Variants in KIAA1217 observed in about 807,000 individuals in gnomAD.
The protein encoded by KIAA1217 is sickle tail protein homolog.
In KIAA1217, 88 loss-of-function variants were observed where a neutral mutation model predicts 163.9. The ratio of observed to expected loss-of-function variants is 0.54; its 90% confidence interval spans 0.45 to 0.64. The LOEUF is 0.64. Ranked by LOEUF, KIAA1217 falls within the 30% of genes least tolerant of loss-of-function variation. The probability of loss-of-function intolerance (pLI) is 0.00; values close to 1 mark genes in which losing one functional copy is unlikely to be tolerated. For missense variants in KIAA1217, 2,372 were observed against 2,475.0 expected (o/e 0.96, Z 0.88); for synonymous variants, 903 against 923.1 (o/e 0.98, Z 0.39).
intron 2 of KIAA1217, among the ~76,000 whole-genome samples, chr10:24,325,763 G>T (rs59925721): frequency 0.036 from 5,407 of 152,202 alleles, 311 homozygotes; most frequent in African/African-American, 0.12. Context: ...GATCTGTCTG[G>T]ACATGTATGA....
chr10:24,441,532 C>T (rs1209607731), intron 5 of KIAA1217, among the ~76,000 whole-genome samples: 2 of 152,072 alleles, frequency 1.3e-5, no homozygotes, highest in African/African-American at 2.4e-5. Context: ...TCAGAGTGTG[C>T]GTGGAATGCA....
At chr10:24,229,675 G>C (rs2131053044) in intron 2 of KIAA1217, among the ~76,000 whole-genome samples, 1 of 152,072 alleles carries the variant, frequency 6.6e-6, no homozygotes, top group South Asian at 2.1e-4. Context: ...CCACCACCAT[G>C]CCTGGCTAAT....
intron 2 of KIAA1217, among the ~76,000 whole-genome samples, chr10:24,047,238 C>T (rs1231470513): frequency 6.6e-6 from 1 of 152,160 alleles, no homozygotes; most frequent in Non-Finnish European, 1.5e-5. Flanking sequence ...TGCATGCACA[C>T]ACAGCATACA....
intron 2 of KIAA1217, among the ~76,000 whole-genome samples, chr10:24,075,119 TACACACACACACACACACACACACACAC>T (rs71397929): frequency 7.6e-6 from 1 of 131,498 alleles, no homozygotes; most frequent in South Asian, 2.7e-4. Context: ...TCCCCCTAAA[TACACACACACACACACACACACACACAC>T]ACACACACAC....
intron 2 of KIAA1217, among the ~76,000 whole-genome samples, chr10:24,026,455 G>C (rs1847941964): frequency 6.6e-6 from 1 of 151,696 alleles, no homozygotes; most frequent in South Asian, 2.1e-4. Flanking sequence ...TGTAGATATA[G>C]GACTATTACC....
At chr10:23,898,265 G>A (rs1353019505) in intron 1 of KIAA1217, among the ~76,000 whole-genome samples, 3 of 150,876 alleles carry the variant, frequency 2.0e-5, no homozygotes, top group Admixed American at 6.6e-5. Context: ...ACAAAATTCT[G>A]GCTTTAAAAA....
chr10:24,517,183 A>G (rs2070322576), intron 10 of KIAA1217, among the ~76,000 whole-genome samples: 3 of 151,964 alleles, frequency 2.0e-5, no homozygotes, highest in Non-Finnish European at 4.4e-5. Context: ...AAAAAAAAAA[A>G]AAAAACTAAA....
chr10:24,423,824 C>T (rs1456591285), intron 3 of KIAA1217, among the ~76,000 whole-genome samples: 1 of 152,212 alleles, frequency 6.6e-6, no homozygotes, highest in Non-Finnish European at 1.5e-5. Flanking sequence ...GCATGAGCCA[C>T]AGCACCCGGC....
chr10:24,142,582 C>G (rs981217037), intron 2 of KIAA1217, among the ~76,000 whole-genome samples: 1 of 152,078 alleles, frequency 6.6e-6, no homozygotes, highest in Admixed American at 6.5e-5. Context: ...CAAAACTGTA[C>G]TTACACCCCT....
chr10:24,435,435 C>T lies in KIAA1217; in HGVS notation c.752+2242C>T, dbSNP rs1036083907. Reference sequence around the variant, plus strand: ...TGTTTTTACATGGAGCTGCCAGTTACAACAATCATCTTACATTTCTGCCTT... The same window carrying T: ...TGTTTTTACATGGAGCTGCCAGTTATAACAATCATCTTACATTTCTGCCTT... On this transcript the variant is annotated intron_variant, in intron 4 of 20. Coordinates refer to ENST00000376454, the MANE Select transcript of KIAA1217 (RefSeq NM_019590.5). Among the ~76,000 whole-genome samples the T allele has an allele frequency of 8.5e-5, 13 of 152,302 alleles. 1 individual carries two copies. Among genetic ancestry groups the T allele is most frequent in the Admixed American group, 2.6e-4 (4 of 15,298 alleles).
intron 2 of KIAA1217, among the ~76,000 whole-genome samples, chr10:24,063,151 C>A (rs2060798784): frequency 6.6e-6 from 1 of 152,038 alleles, no homozygotes; most frequent in African/African-American, 2.4e-5. Context: ...TAATTAGATC[C>A]CATTTGTCAA....
At chr10:24,482,333 C>T (rs1592281808) in intron 6 of KIAA1217, 1 of 152,218 alleles carries the variant, frequency 6.6e-6, no homozygotes, top group Admixed American at 6.5e-5. Context: ...AGACCAGAAA[C>T]TTAAGCCAGA....
At chr10:23,911,513 T>C (rs1208738937) in intron 1 of KIAA1217, among the ~76,000 whole-genome samples, 1 of 152,250 alleles carries the variant, frequency 6.6e-6, no homozygotes, top group Admixed American at 6.5e-5. Context: ...TGTGTGTGTG[T>C]GCACACATGC....
At chr10:23,952,940 G>A (rs138113498) in intron 1 of KIAA1217, among the ~76,000 whole-genome samples, 4 of 152,078 alleles carry the variant, frequency 2.6e-5, no homozygotes, top group Non-Finnish European at 4.4e-5. Flanking sequence ...TGTAACACTT[G>A]GACTGCATTC....
chr10:24,201,357 AC>A (rs2067246201), intron 2 of KIAA1217, among the ~76,000 whole-genome samples: 1 of 152,164 alleles, frequency 6.6e-6, no homozygotes, highest in Non-Finnish European at 1.5e-5. Flanking sequence ...TGTTATGGAA[AC>A]CCTGGCCCAA....
At chr10:23,709,731 A>G (rs921125634) in intron 1 of KIAA1217, among the ~76,000 whole-genome samples, 26 of 152,228 alleles carry the variant, frequency 1.7e-4, no homozygotes, top group African/African-American at 3.4e-4. Context: ...CTATGCCTGT[A>G]TGGTCCTTAT....
intron 1 of KIAA1217, among the ~76,000 whole-genome samples, chr10:23,962,792 GA>G (rs1347890978): frequency 6.6e-6 from 1 of 152,122 alleles, no homozygotes. Context: ...CTTCTGTATA[GA>G]AAAAGATAAC....
In KIAA1217 at chr10:24,422,901, C is replaced by CTTTTTTTTTTTTTTTTTTTT. The variant is rs58161228; in HGVS notation, c.554-10092_554-10073dup. Among the ~76,000 whole-genome samples, 106 of 120,586 alleles carry CTTTTTTTTTTTTTTTTTTTT rather than the reference C, an allele frequency of 8.8e-4. 2 individuals carry two copies. Among genetic ancestry groups the CTTTTTTTTTTTTTTTTTTTT allele is most frequent in the East Asian group, 1.5e-3 (6 of 3,968 alleles). The allele number at this position is 120,586 out of a possible 152,430, so 79.1% of individuals were successfully genotyped here. A position where few individuals can be genotyped will look rare whatever the true frequency, so the allele number is the denominator to read the frequency against. On this transcript the variant is annotated intron_variant, in intron 3 of 20. Coordinates refer to ENST00000376454, the MANE Select transcript of KIAA1217 (RefSeq NM_019590.5). ...CTCATATTACTTCCTATAGATTTAA[C>CTTTTTTTTTTTTTTTTTTTT]TTTTTTTTTTTTTTTTTTTTTGAGA...
upstream of KIAA1217, among the ~76,000 whole-genome samples, chr10:24,207,369 C>A (rs557604929): frequency 6.6e-6 from 1 of 151,314 alleles, no homozygotes; most frequent in African/African-American, 2.4e-5. Context: ...ACTTTAAAGA[C>A]AAATACACAA....
Sources: gnomAD v4.1 joint callset for allele counts (sites outside exome capture counted in the v4.1 genomes callset) on GRCh38, gnomAD v4.1.1 for gene constraint, MANE v1.5 for transcripts, NCBI Gene and HGNC (gene_info 2026-07-23, HGNC 2026-07-21) for gene names.